TAB2: variants seen among roughly 807,000 people sequenced by gnomAD.
TAB2 encodes TGF-beta-activated kinase 1 and MAP3K7-binding protein 2.
In TAB2, 3 loss-of-function variants were observed where a neutral mutation model predicts 65.0. The ratio of observed to expected loss-of-function variants is 0.05; its 90% CI spans 0.02 to 0.12. TAB2 has a LOEUF of 0.12. TAB2 is among the 10% of genes least tolerant of loss of function. The pLI is 1.00. For synonymous variants in TAB2, 298 were observed against 285.1 expected, an observed-to-expected ratio of 1.05 and a Z score of -0.46; for missense variants, 623 against 840.3, an observed-to-expected ratio of 0.74 and a Z score of 3.20.
chr6:149,326,601 G>A (rs1779628014), intron 1 of TAB2, among the ~76,000 whole-genome samples: 1 of 151,370 alleles, frequency 6.6e-6, no homozygotes, highest in Admixed American at 6.6e-5. Flanking sequence ...AGGCTAGAGT[G>A]CAATGTTGCA....
At chr6:149,403,335 TATATACACACACAC>T (rs1782542617) in intron 6 of TAB2, among the ~76,000 whole-genome samples, 1 of 33,382 alleles carries the variant, frequency 3.0e-5, no homozygotes, top group Non-Finnish European at 6.3e-5. Context: ...TATATACATA[TATATACACACACAC>T]ACACACACAC....
chr6:149,327,517 T>G (rs1779655021), intron 1 of TAB2, among the ~76,000 whole-genome samples: 1 of 152,238 alleles, frequency 6.6e-6, no homozygotes, highest in East Asian at 1.9e-4. Context: ...CATGAGCGTC[T>G]GCTGTTCAGA....
intron 1 of TAB2, among the ~76,000 whole-genome samples, chr6:149,254,087 AAG>A (rs1562389604): frequency 7.0e-6 from 1 of 143,088 alleles, no homozygotes; most frequent in Non-Finnish European, 1.5e-5. Flanking sequence ...GGAAGGAAGG[AAG>A]GAAGGAAGGA....
chr6:149,223,042 G>A (rs1002333480), intron 1 of TAB2, among the ~76,000 whole-genome samples: 1 of 152,206 alleles, frequency 6.6e-6, no homozygotes. Flanking sequence ...TGTAAACTAA[G>A]ATCAAGTCTA....
chr6:149,255,223 C>G (rs2114661172), intron 1 of TAB2: 1 of 152,278 alleles, frequency 6.6e-6, no homozygotes, highest in East Asian at 1.9e-4. Flanking sequence ...GGAGAGACAC[C>G]AGAGCTCATT....
At chr6:149,297,395 A>G (rs1562404218) in intron 1 of TAB2, among the ~76,000 whole-genome samples, 1 of 152,254 alleles carries the variant, frequency 6.6e-6, no homozygotes, top group Non-Finnish European at 1.5e-5. Flanking sequence ...TTGACAAGAT[A>G]CATACACACA....
intron 1 of TAB2, among the ~76,000 whole-genome samples, chr6:149,280,418 C>T (rs73607334): frequency 0.011 from 1,709 of 152,258 alleles, 31 homozygotes; most frequent in African/African-American, 0.039. Context: ...CCATTTATTT[C>T]AAAGCCCATT....
chr6:149,389,799 T>G (rs1033508259), intron 3 of TAB2, among the ~76,000 whole-genome samples: 2 of 152,224 alleles, frequency 1.3e-5, no homozygotes, highest in African/African-American at 2.4e-5. Flanking sequence ...AGATTATATC[T>G]TAATGCTGTA....
intron 1 of TAB2, among the ~76,000 whole-genome samples, chr6:149,285,451 A>T (rs1047014033): frequency 6.6e-6 from 1 of 152,186 alleles, no homozygotes; most frequent in African/African-American, 2.4e-5. Context: ...TCCTCTACAA[A>T]GTGATCTACC....
intron 1 of TAB2, among the ~76,000 whole-genome samples, chr6:149,226,383 T>C (rs1264392354): frequency 4.6e-5 from 7 of 152,136 alleles, no homozygotes; most frequent in Non-Finnish European, 5.9e-5. Flanking sequence ...GGTGTGAGTC[T>C]GTCTGTCCAT....
chr6:149,334,375 A>T (rs1385089850), intron 1 of TAB2, among the ~76,000 whole-genome samples: 5 of 152,164 alleles, frequency 3.3e-5, no homozygotes, highest in Non-Finnish European at 5.9e-5. Flanking sequence ...CAAGTTTGTT[A>T]CCACTGTGAA....
chr6:149,375,852 C>T (rs1158769252), intron 2 of TAB2, among the ~76,000 whole-genome samples: 4 of 151,994 alleles, frequency 2.6e-5, no homozygotes. Context: ...ATTTTTCTAC[C>T]ATGAGAGGTT....
At chr6:149,389,578 G>C (rs1781913629) in intron 3 of TAB2, among the ~76,000 whole-genome samples, 1 of 150,804 alleles carries the variant, frequency 6.6e-6, no homozygotes, top group South Asian at 2.1e-4. Context: ...CTGGGAGGTG[G>C]AGGTTGTGGT....
At chr6:149,354,827 G>T (rs972090995) in intron 1 of TAB2, among the ~76,000 whole-genome samples, 3 of 152,080 alleles carry the variant, frequency 2.0e-5, no homozygotes, top group Non-Finnish European at 4.4e-5. Flanking sequence ...TTTTGTGAAT[G>T]ACCATAGTTT....
intron 1 of TAB2, among the ~76,000 whole-genome samples, chr6:149,257,893 G>A (rs1034655547): frequency 2.0e-5 from 3 of 152,162 alleles, no homozygotes; most frequent in Admixed American, 6.5e-5. Context: ...GATCAACGAC[G>A]GGTACACAGA....
At chr6:149,253,708 A>G (rs1777908349) in intron 1 of TAB2, among the ~76,000 whole-genome samples, 1 of 151,430 alleles carries the variant, frequency 6.6e-6, no homozygotes, top group Non-Finnish European at 1.5e-5. Context: ...CGGATCGCAA[A>G]GTCAAGAGAT....
At chr6:149,314,709 T>C (rs971546866), upstream of TAB2, among the ~76,000 whole-genome samples, 4 of 152,150 alleles carry the variant, frequency 2.6e-5, no homozygotes, top group Non-Finnish European at 1.5e-5. Flanking sequence ...GAACACATGG[T>C]TTATGGAGCA....
intron 1 of TAB2, among the ~76,000 whole-genome samples, chr6:149,288,541 CCCAAAACCTCA>C (rs1390052417): frequency 3.9e-5 from 6 of 152,120 alleles, no homozygotes. Flanking sequence ...CTCTTTGTTC[CCCAAAACCTCA>C]CCAACCCCAA....
intron 1 of TAB2, among the ~76,000 whole-genome samples, chr6:149,231,687 C>T (rs1352082759): frequency 1.3e-5 from 2 of 152,170 alleles, no homozygotes; most frequent in Non-Finnish European, 2.9e-5. Context: ...TATATTAAAA[C>T]ACCTAAAATT....
Sources: allele counts gnomAD v4.1 joint callset (sites outside exome capture counted in the v4.1 genomes callset), GRCh38; gene constraint gnomAD v4.1.1; transcripts MANE v1.5; gene names NCBI Gene and HGNC (gene_info 2026-07-23, HGNC 2026-07-21).